Variants in NCKAP5 observed in about 807,000 individuals in gnomAD.
NCKAP5 encodes nck-associated protein 5.
Under a neutral mutation model 167.0 loss-of-function variants are expected in NCKAP5, and 92 were observed. The observed-to-expected ratio is 0.55, with a 90% CI of 0.47 to 0.66. The LOEUF (loss-of-function observed/expected upper bound fraction) is 0.66. Ranked by LOEUF, NCKAP5 falls within the 30% of genes least tolerant of loss-of-function variation. NCKAP5 has a pLI of 0.00. For synonymous variants in NCKAP5, 891 were observed against 877.4 expected, an observed-to-expected ratio of 1.02 and a Z score of -0.27; for missense variants, 2,378 against 2,315.0, an observed-to-expected ratio of 1.03 and a Z score of -0.56.
intron 2 of NCKAP5, among the ~76,000 whole-genome samples, chr2:133,522,225 G>GATC (rs1403216698): frequency 6.6e-6 from 1 of 152,110 alleles, no homozygotes; most frequent in Non-Finnish European, 1.5e-5. Context: ...TCCTCCAATA[G>GATC]ATCAGCTAAG....
rs1300899915 is a variant in NCKAP5, at chr2:132,784,560, C to T, written c.2251G>A (p.Val751Ile). The T allele has an allele frequency of 6.3e-7, 1 of 1,575,436 alleles. No homozygotes were observed. The highest frequency in any genetic ancestry group is 1.4e-5 in the African/African-American group (1 of 73,582). ...AAAGATTCAGTGGACACCCTGGGAA[C>T]ATTATCTACATTATCTTTTGGAATG... Reference protein sequence around the residue: ...KNIPKDNVDNVPRVSTESFSS... With the variant: ...KNIPKDNVDNIPRVSTESFSS... The change falls in exon 14 of 20, where the codon GTT becomes ATT. Residue 751 changes from valine to isoleucine, a missense_variant. Transcript: ENST00000409261.
At chr2:133,081,541 G>A (rs1206076493) in intron 6 of NCKAP5, among the ~76,000 whole-genome samples, 1 of 152,036 alleles carries the variant, frequency 6.6e-6, no homozygotes, top group Non-Finnish European at 1.5e-5. Context: ...TTTATTTTTT[G>A]TTGTGGTGTA....
chr2:133,502,932 C>T (rs1682659260), intron 3 of NCKAP5, among the ~76,000 whole-genome samples: 1 of 152,148 alleles, frequency 6.6e-6, no homozygotes, highest in Non-Finnish European at 1.5e-5. Flanking sequence ...GGCCCCTTTC[C>T]CTTGCTCTAT....
intron 11 of NCKAP5, among the ~76,000 whole-genome samples, chr2:132,830,171 T>C (rs983316138): frequency 3.3e-5 from 5 of 152,200 alleles, no homozygotes; most frequent in African/African-American, 1.2e-4. Flanking sequence ...TAAGGCCTTA[T>C]TGAAAACAAA....
At chr2:133,515,966 G>A (rs1683949215) in intron 3 of NCKAP5, among the ~76,000 whole-genome samples, 1 of 152,326 alleles carries the variant, frequency 6.6e-6, no homozygotes, top group African/African-American at 2.4e-5. Flanking sequence ...AAAGACAATA[G>A]CTTATTATGT....
intron 11 of NCKAP5, among the ~76,000 whole-genome samples, chr2:132,820,054 T>A (rs1481421095): frequency 6.6e-6 from 1 of 152,164 alleles, no homozygotes; most frequent in Non-Finnish European, 1.5e-5. Flanking sequence ...CCAACAAATG[T>A]TATGCTATAG....
intron 8 of NCKAP5, among the ~76,000 whole-genome samples, chr2:132,951,751 C>T (rs2076195333): frequency 6.6e-6 from 1 of 152,152 alleles, no homozygotes; most frequent in Non-Finnish European, 1.5e-5. Flanking sequence ...AATTTTTCCC[C>T]CAAGGCTATG....
chr2:133,656,263 A>T, the NCKAP5 span, among the ~76,000 whole-genome samples: 1 of 123,680 alleles, frequency 8.1e-6, no homozygotes, highest in Non-Finnish European at 1.7e-5. Context: ...GGAAAAACAA[A>T]CAAACAAACA....
chr2:133,160,114 G>A (rs1395785448), intron 5 of NCKAP5, among the ~76,000 whole-genome samples: 1 of 152,132 alleles, frequency 6.6e-6, no homozygotes, highest in African/African-American at 2.4e-5. Context: ...CACAAACTGG[G>A]TGACATAGAA....
intron 3 of NCKAP5, among the ~76,000 whole-genome samples, chr2:133,360,938 T>C (rs1345063341): frequency 1.4e-5 from 2 of 147,102 alleles, no homozygotes; most frequent in African/African-American, 2.5e-5. Context: ...AGTCTTCCCA[T>C]TAAAAAAAAA....
chr2:132,803,845 A>G (rs1685224477), intron 11 of NCKAP5, among the ~76,000 whole-genome samples: 1 of 152,190 alleles, frequency 6.6e-6, no homozygotes, highest in Admixed American at 6.5e-5. Context: ...AGCTGACAAT[A>G]TCCCTGAGCA....
At chr2:132,816,343 C>T (rs1187068454) in intron 11 of NCKAP5, among the ~76,000 whole-genome samples, 1 of 151,938 alleles carries the variant, frequency 6.6e-6, no homozygotes, top group African/African-American at 2.4e-5. Context: ...AAGTAGCAAG[C>T]GGAAGAGGGG....
chr2:132,762,975 T>C (rs1395581053), intron 16 of NCKAP5, among the ~76,000 whole-genome samples: 1 of 152,218 alleles, frequency 6.6e-6, no homozygotes, highest in Non-Finnish European at 1.5e-5. Flanking sequence ...TGGCAATCCT[T>C]AAATATTCTT....
rs115772585 is a variant in NCKAP5, at chr2:133,134,220, C to T, written c.208-4109G>A. ...TTCCCCTCCAATTTCAGACAGCGTT[C>T]CTTCCACCACTTCACAGTAACTTCT... is the stretch of plus-strand genomic sequence containing the variant. On this transcript the variant is annotated intron_variant, in intron 5 of 19. Coordinates refer to ENST00000409261, the MANE Select transcript of NCKAP5 (RefSeq NM_207363.3). Among the ~76,000 whole-genome samples the T allele has an allele frequency of 7.2e-4, 109 of 152,338 alleles. 2 individuals are homozygous for T. The highest frequency in any genetic ancestry group is 5.0e-3 in the South Asian group (24 of 4,830).
chr2:133,671,214 C>CAAAAAAAAAA, the NCKAP5 span, among the ~76,000 whole-genome samples: 2 of 53,984 alleles, frequency 3.7e-5, no homozygotes, highest in East Asian at 4.8e-4. Flanking sequence ...GACTCCGTCT[C>CAAAAAAAAAA]AAAAAAAAAA....
chr2:133,342,002 G>A (rs1414099155), intron 3 of NCKAP5, among the ~76,000 whole-genome samples: 1 of 151,972 alleles, frequency 6.6e-6, no homozygotes, highest in Admixed American at 6.6e-5. Context: ...GCAGCGGTGC[G>A]ATCTCGACTT....
At position 133,317,527 on chromosome 2, in the gene NCKAP5, C is replaced by T. The variant is rs549342522; in HGVS notation, c.70-14417G>A. 7.2e-5 allele frequency among the ~76,000 whole-genome samples: 11 copies of T among 152,174 alleles called. No individual in the cohort carries two copies. The East Asian group carries it at 1.7e-3, about 24-fold the overall frequency. On this transcript the variant is annotated intron_variant, in intron 3 of 19. Coordinates refer to ENST00000409261, the MANE Select transcript of NCKAP5 (RefSeq NM_207363.3). ...TTCTGTGCAGGTGTGGAGGCGTCAC[C>T]AGGGCTGAATTCATGGGCACCTCCC...
intron 11 of NCKAP5, among the ~76,000 whole-genome samples, chr2:132,838,561 A>C (rs773305283): frequency 1.3e-4 from 20 of 152,246 alleles, no homozygotes; most frequent in Middle Eastern, 3.4e-3. Flanking sequence ...GAACCCAGCA[A>C]GCAGAGCTTG....
intron 6 of NCKAP5, among the ~76,000 whole-genome samples, chr2:133,034,246 C>A (rs2078971437): frequency 6.6e-6 from 1 of 152,038 alleles, no homozygotes. Context: ...CACTTTTACC[C>A]TAGAATAGTA....
Sources: allele counts gnomAD v4.1 joint callset (sites outside exome capture counted in the v4.1 genomes callset), GRCh38; gene constraint gnomAD v4.1.1; transcripts MANE v1.5; gene names NCBI Gene and HGNC (gene_info 2026-07-23, HGNC 2026-07-21).